Variants in TCF12 observed in about 807,000 individuals in gnomAD.
TCF12 encodes the protein DNA-binding protein HTF4.
Under a neutral mutation model 86.0 loss-of-function variants are expected in TCF12, and 45 were observed. That is an observed-to-expected ratio of 0.52 (90% CI 0.41 to 0.67). The LOEUF is 0.67. Among genes scored for constraint, TCF12 ranks in the 30% least tolerant of loss-of-function variants. TCF12 has a pLI of 0.00. For synonymous variants in TCF12, 330 were observed against 299.6 expected (o/e 1.10, Z -1.05); for missense variants, 881 against 859.9 (o/e 1.02, Z -0.31).
At position 57,144,442 on chromosome 15, in the gene TCF12, A is replaced by G. The variant is rs141667560; in HGVS notation, c.326-21960A>G. Among the ~76,000 whole-genome samples the G allele has an allele frequency of 3.0e-4, 45 of 152,340 alleles. No individual in the cohort carries two copies. The East Asian group carries it at 7.9e-3, about 27-fold the overall frequency. Reference sequence around the variant, plus strand: ...GATGACATCTTACTGTTTAATGTAAATGCTTTTAATGTAAACAAGTAGCAT... The same window carrying G: ...GATGACATCTTACTGTTTAATGTAAGTGCTTTTAATGTAAACAAGTAGCAT... On this transcript the variant is annotated intron_variant, in intron 5 of 20. Coordinates refer to ENST00000333725, the MANE Select transcript of TCF12 (RefSeq NM_207037.2).
chr15:57,052,591 T>A (rs1167825032), intron 3 of TCF12, among the ~76,000 whole-genome samples: 2 of 149,368 alleles, frequency 1.3e-5, no homozygotes, highest in Non-Finnish European at 3.0e-5. Context: ...GAGCCGAGAT[T>A]GCACCATTGC....
chr15:57,022,005 A>G (rs1387224957), intron 3 of TCF12, among the ~76,000 whole-genome samples: 1 of 152,006 alleles, frequency 6.6e-6, no homozygotes, highest in Non-Finnish European at 1.5e-5. Flanking sequence ...TTTTCTTTTA[A>G]TCATAAACCC....
intron 12 of TCF12, among the ~76,000 whole-genome samples, chr15:57,242,479 A>G (rs938940768): frequency 6.6e-5 from 10 of 152,122 alleles, no homozygotes; most frequent in African/African-American, 2.4e-4. Context: ...ACCTGAGGTC[A>G]ACCTGACCAA....
intron 6 of TCF12, among the ~76,000 whole-genome samples, chr15:57,170,975 T>G (rs1281893493): frequency 6.7e-6 from 1 of 149,344 alleles, no homozygotes; most frequent in Non-Finnish European, 1.5e-5. Flanking sequence ...TCCAGGTGAT[T>G]TTGATTCACA....
intron 8 of TCF12, among the ~76,000 whole-genome samples, chr15:57,217,104 G>A (rs1207401854): frequency 6.6e-6 from 1 of 152,032 alleles, no homozygotes; most frequent in Admixed American, 6.6e-5. Context: ...ACACATGTAC[G>A]AGTTTTATAT....
At chr15:57,087,479 T>C (rs1234812148) in intron 4 of TCF12, among the ~76,000 whole-genome samples, 1 of 151,658 alleles carries the variant, frequency 6.6e-6, no homozygotes, top group Non-Finnish European at 1.5e-5. Context: ...ATATGGAAGC[T>C]GCTTTGATCA....
chr15:57,059,871 T>C (rs1474234333), intron 3 of TCF12, among the ~76,000 whole-genome samples: 1 of 150,492 alleles, frequency 6.6e-6, no homozygotes, highest in African/African-American at 2.4e-5. Flanking sequence ...GAGATGCCCA[T>C]AGGACTCTGG....
chr15:56,950,772 T>C (rs2061234383), intron 3 of TCF12, among the ~76,000 whole-genome samples: 1 of 116,474 alleles, frequency 8.6e-6, no homozygotes, highest in Non-Finnish European at 1.8e-5. Flanking sequence ...TTTTTTTTTT[T>C]TAAGTTAGAG....
chr15:57,054,786 T>A (rs1185951097), intron 3 of TCF12, among the ~76,000 whole-genome samples: 1 of 133,342 alleles, frequency 7.5e-6, no homozygotes, highest in African/African-American at 2.9e-5. Flanking sequence ...TTTTTTTTTT[T>A]TTTTTTTTTT....
intron 16 of TCF12, among the ~76,000 whole-genome samples, chr15:57,255,256 C>A (rs1056269841): frequency 1.3e-5 from 2 of 152,074 alleles, no homozygotes; most frequent in African/African-American, 4.8e-5. Flanking sequence ...TTACCAATTT[C>A]AGATATTCCA....
At chr15:56,984,619 C>G (rs904298257) in intron 3 of TCF12, among the ~76,000 whole-genome samples, 2 of 152,132 alleles carry the variant, frequency 1.3e-5, no homozygotes, top group East Asian at 3.8e-4. Context: ...ACTAATTCTT[C>G]TGGAGTGAGA....
chr15:57,170,690 ATATATATTAT>A (rs2055323288), intron 6 of TCF12, among the ~76,000 whole-genome samples: 1 of 3,360 alleles, frequency 3.0e-4, no homozygotes, highest in South Asian at 0.017. Flanking sequence ...ATTATATATA[ATATATATTAT>A]ATATAATATA....
At chr15:57,005,288 AT>A (rs1481173438) in intron 3 of TCF12, among the ~76,000 whole-genome samples, 25 of 152,278 alleles carry the variant, frequency 1.6e-4, no homozygotes, top group Admixed American at 1.3e-3. Context: ...ACTCATGTAC[AT>A]TTTTTTAATC....
intron 5 of TCF12, among the ~76,000 whole-genome samples, chr15:57,142,013 C>T (rs1441275129): frequency 6.6e-6 from 1 of 152,120 alleles, no homozygotes; most frequent in Non-Finnish European, 1.5e-5. Flanking sequence ...TAGCTACAGT[C>T]CTTGGTTTTG....
At chr15:57,268,717 A>G (rs2060984917) in intron 18 of TCF12, among the ~76,000 whole-genome samples, 1 of 152,128 alleles carries the variant, frequency 6.6e-6, no homozygotes, top group African/African-American at 2.4e-5. Flanking sequence ...TCTCCCTCAT[A>G]TGTTTTTTTT....
At chr15:57,103,514 G>A (rs2049905356) in intron 5 of TCF12, among the ~76,000 whole-genome samples, 1 of 152,068 alleles carries the variant, frequency 6.6e-6, no homozygotes, top group Non-Finnish European at 1.5e-5. Flanking sequence ...ATTGTATAAA[G>A]AAAACAGTCC....
intron 3 of TCF12, among the ~76,000 whole-genome samples, chr15:56,984,582 G>A (rs1652740): frequency 6.6e-6 from 1 of 151,944 alleles, no homozygotes; most frequent in East Asian, 1.9e-4. Context: ...AACGGTCATA[G>A]CACAGTATAG....
At chr15:57,220,376 A>C (rs1394578631) in intron 8 of TCF12, among the ~76,000 whole-genome samples, 3 of 152,156 alleles carry the variant, frequency 2.0e-5, no homozygotes, top group African/African-American at 7.2e-5. Context: ...GTCAGCTAGT[A>C]AGGGCCGTAT....
At chr15:57,032,626 G>A (rs1053070809) in intron 3 of TCF12, among the ~76,000 whole-genome samples, 1 of 152,010 alleles carries the variant, frequency 6.6e-6, no homozygotes, top group Non-Finnish European at 1.5e-5. Flanking sequence ...AAAATTTTTT[G>A]TAGAGAGGAG....
Sources: allele counts gnomAD v4.1 joint callset (sites outside exome capture counted in the v4.1 genomes callset), GRCh38; gene constraint gnomAD v4.1.1; transcripts MANE v1.5; gene names NCBI Gene and HGNC (gene_info 2026-07-23, HGNC 2026-07-21).